Variants in EYS observed in about 807,000 individuals in gnomAD.
EYS encodes protein eyes shut homolog.
A neutral mutation model predicts 282.1 loss-of-function variants in EYS; 250 were observed. The ratio of observed to expected loss-of-function variants is 0.89; its 90% CI spans 0.80 to 0.98. The LOEUF is 0.98. EYS is among the 50% of genes least tolerant of loss of function. The probability of loss-of-function intolerance (pLI) is 0.00; values close to 1 mark genes in which losing one functional copy is unlikely to be tolerated. For missense variants in EYS, 4,016 were observed against 3,709.0 expected (o/e 1.08, Z -2.15); for synonymous variants, 1,355 against 1,282.9 (o/e 1.06, Z -1.20).
intron 11 of EYS, among the ~76,000 whole-genome samples, chr6:65,326,122 T>C (rs1473000230): frequency 2.6e-5 from 4 of 152,060 alleles, no homozygotes; most frequent in Non-Finnish European, 5.9e-5. Flanking sequence ...TGTAAATAAT[T>C]TTTTCCAGAT....
intron 26 of EYS, among the ~76,000 whole-genome samples, chr6:64,476,005 G>T (rs918012938): frequency 1.3e-5 from 2 of 152,036 alleles, no homozygotes; most frequent in African/African-American, 4.8e-5. Context: ...TGTCTAAGCT[G>T]GTCTGAAACT....
chr6:64,508,090 C>T (rs928132309), intron 26 of EYS, among the ~76,000 whole-genome samples: 1 of 152,088 alleles, frequency 6.6e-6, no homozygotes, highest in Non-Finnish European at 1.5e-5. Context: ...AGCAGAGATA[C>T]AAGTATTAGG....
At chr6:64,187,680 A>C (rs1265199988) in intron 31 of EYS, among the ~76,000 whole-genome samples, 1 of 152,098 alleles carries the variant, frequency 6.6e-6, no homozygotes, top group Non-Finnish European at 1.5e-5. Context: ...TGTCAGCTAT[A>C]ATTTTCTTTA....
At chr6:64,454,320 T>C (rs1452942490) in intron 26 of EYS, among the ~76,000 whole-genome samples, 1 of 152,160 alleles carries the variant, frequency 6.6e-6, no homozygotes, top group Non-Finnish European at 1.5e-5. Flanking sequence ...GGTCACGTTC[T>C]GCATATTGTT....
chr6:64,310,955 C>CA (rs1262554301), intron 29 of EYS, among the ~76,000 whole-genome samples: 1 of 151,944 alleles, frequency 6.6e-6, no homozygotes, highest in African/African-American at 2.4e-5. Flanking sequence ...TAAATTTATC[C>CA]AATCTTCATT....
At chr6:63,768,379 C>T (rs1224611752) in intron 40 of EYS, among the ~76,000 whole-genome samples, 1 of 151,640 alleles carries the variant, frequency 6.6e-6, no homozygotes, top group Non-Finnish European at 1.5e-5. Context: ...ATTCAACAAG[C>T]AGAAAACAGA....
intron 22 of EYS, among the ~76,000 whole-genome samples, chr6:64,660,622 G>A (rs1258045423): frequency 6.6e-6 from 1 of 152,122 alleles, no homozygotes; most frequent in Non-Finnish European, 1.5e-5. Flanking sequence ...AATCATGAGT[G>A]AACTCCCATT....
intron 19 of EYS, among the ~76,000 whole-genome samples, chr6:64,847,045 A>C (rs1037185711): frequency 6.6e-6 from 1 of 152,046 alleles, no homozygotes; most frequent in African/African-American, 2.4e-5. Context: ...ATATATTGAA[A>C]GCCTGAACAG....
chr6:63,846,375 C>G (rs1562056981), intron 36 of EYS, among the ~76,000 whole-genome samples: 1 of 152,252 alleles, frequency 6.6e-6, no homozygotes. Context: ...ATCAGCCACT[C>G]ACCCTGATGA....
At chr6:65,135,415 T>C (rs994465908) in intron 12 of EYS, among the ~76,000 whole-genome samples, 3 of 151,996 alleles carry the variant, frequency 2.0e-5, no homozygotes, top group African/African-American at 7.2e-5. Flanking sequence ...AAAAACTTGT[T>C]AGTAATTGAG....
intron 1 of EYS, among the ~76,000 whole-genome samples, chr6:65,642,890 C>T (rs992358321): frequency 1.3e-5 from 2 of 152,186 alleles, no homozygotes; most frequent in African/African-American, 4.8e-5. Context: ...ATTTAGAGAG[C>T]TTTGATTAAA....
intron 14 of EYS, among the ~76,000 whole-genome samples, chr6:64,954,425 A>T (rs1397994416): frequency 6.6e-6 from 1 of 152,180 alleles, no homozygotes; most frequent in African/African-American, 2.4e-5. Flanking sequence ...CAATTTGACA[A>T]TTAGAGATAT....
chr6:65,151,937 G>T (rs1274746098), intron 12 of EYS, among the ~76,000 whole-genome samples: 1 of 151,560 alleles, frequency 6.6e-6, no homozygotes, highest in Non-Finnish European at 1.5e-5. Context: ...CTATAATTTT[G>T]TTTTGATTTA....
intron 22 of EYS, among the ~76,000 whole-genome samples, chr6:64,786,652 G>A (rs1257167900): frequency 6.6e-6 from 1 of 152,154 alleles, no homozygotes; most frequent in Non-Finnish European, 1.5e-5. Context: ...AATTGCTGAT[G>A]TTGATTCTCA....
intron 1 of EYS, among the ~76,000 whole-genome samples, chr6:65,706,514 A>G (rs2149856538): frequency 1.0e-5 from 1 of 97,122 alleles, no homozygotes; most frequent in South Asian, 2.8e-4. Context: ...TCTTTTTAAA[A>G]ATAAATAATC....
At chr6:65,504,280 G>A (rs1051643356) in intron 2 of EYS, among the ~76,000 whole-genome samples, 1 of 151,536 alleles carries the variant, frequency 6.6e-6, no homozygotes, top group African/African-American at 2.4e-5. Context: ...AGTTGACTTT[G>A]TATACAGTAT....
At chr6:64,210,902 G>A (rs1028674750) in intron 31 of EYS, among the ~76,000 whole-genome samples, 1 of 152,240 alleles carries the variant, frequency 6.6e-6, no homozygotes, top group Middle Eastern at 3.4e-3. Context: ...CTCCCTACTG[G>A]AGCTGATACA....
chr6:65,505,195 T>C (rs1284207575), intron 2 of EYS, among the ~76,000 whole-genome samples: 1 of 151,830 alleles, frequency 6.6e-6, no homozygotes, highest in Non-Finnish European at 1.5e-5. Context: ...GACAGAAAAT[T>C]GTTTTTAGTA....
chr6:65,426,231 C>T (rs1186417107), intron 5 of EYS, among the ~76,000 whole-genome samples: 3 of 152,024 alleles, frequency 2.0e-5, no homozygotes, highest in Non-Finnish European at 1.5e-5. Context: ...CTACCTTGGC[C>T]TCCTAAAGTG....
Sources: gnomAD v4.1 joint callset for allele counts (sites outside exome capture counted in the v4.1 genomes callset) on GRCh38, gnomAD v4.1.1 for gene constraint, MANE v1.5 for transcripts, NCBI Gene and HGNC (gene_info 2026-07-23, HGNC 2026-07-21) for gene names.